The following MTMR3 variants were observed in gnomAD, a reference collection of about 807,000 sequenced individuals.
MTMR3 encodes the protein myotubularin related protein 3.
MTMR3 carries 32 observed loss-of-function variants against 132.4 expected under a neutral mutation model. The ratio of observed to expected loss-of-function variants is 0.24; its 90% CI spans 0.18 to 0.32. The LOEUF (loss-of-function observed/expected upper bound fraction) is 0.32, where lower values mean the gene tolerates loss of function less well. MTMR3 is among the 10% of genes least tolerant of loss of function. MTMR3 has a pLI of 1.00. For synonymous variants in MTMR3, 556 were observed against 550.3 expected, an observed-to-expected ratio of 1.01 and a Z score of -0.14; for missense variants, 1,216 against 1,489.6, an observed-to-expected ratio of 0.82 and a Z score of 3.02.
At chr22:29,927,304 T>A (rs2065536198) in intron 1 of MTMR3, among the ~76,000 whole-genome samples, 1 of 152,232 alleles carries the variant, frequency 6.6e-6, no homozygotes, top group African/African-American at 2.4e-5. Flanking sequence ...TTCAGCTTTG[T>A]CCTTTTTTCA....
intron 2 of MTMR3, among the ~76,000 whole-genome samples, chr22:29,958,531 G>A (rs752420774): frequency 9.9e-5 from 15 of 151,842 alleles, no homozygotes; most frequent in African/African-American, 1.5e-4. Context: ...GTGCTTTTTT[G>A]TCTTACTCTG....
intron 19 of MTMR3, chr22:30,024,167 G>A (rs901811076): frequency 1.3e-5 from 2 of 152,316 alleles, no homozygotes; most frequent in African/African-American, 4.8e-5. Context: ...GGTGGTGCAC[G>A]CCTGTAATCC....
In MTMR3 at chr22:30,022,531, C is replaced by G. The variant is rs539339230; in HGVS notation, c.3337-78C>G. On this transcript the variant is annotated intron_variant, in intron 18 of 19. Coordinates refer to ENST00000401950, the MANE Select transcript of MTMR3 (RefSeq NM_021090.4). The stretch of plus-strand genomic sequence containing the variant: ...GCTGATGTGGTCCTTGTGACTCTTG[C>G]TGCCCCCAGCATGGCTCTGCTGGCT... 4.6e-4 allele frequency: 585 copies of G among 1,274,562 alleles called. 2 individuals carry two copies. The highest frequency in any genetic ancestry group is 1.2e-4 in the Non-Finnish European group (105 of 881,602). 79.0% of individuals were successfully genotyped at this position (1,274,562 alleles called of 1,614,324 possible).
intron 1 of MTMR3, among the ~76,000 whole-genome samples, chr22:29,908,329 G>A (rs561468109): frequency 6.6e-5 from 10 of 152,340 alleles, no homozygotes; most frequent in African/African-American, 2.4e-4. Flanking sequence ...GTCAGACACT[G>A]TAGCTACTGC....
chr22:29,978,555 G>T, intron 4 of MTMR3, 24 bp downstream of exon 4: 1 of 1,571,990 alleles, frequency 6.4e-7, no homozygotes, highest in Middle Eastern at 1.7e-4. Context: ...ACTTTTAAAT[G>T]TAAAATATTT....
chr22:29,964,029 T>C (rs2066366699), intron 2 of MTMR3, among the ~76,000 whole-genome samples: 13 of 152,216 alleles, frequency 8.5e-5, no homozygotes, highest in Admixed American at 8.5e-4. Context: ...CTGTGTTTAA[T>C]TGAGCAACTG....
intron 14 of MTMR3, chr22:30,016,100 T>C (rs1333313266): frequency 3.2e-5 from 6 of 185,794 alleles, no homozygotes; most frequent in Non-Finnish European, 6.8e-5. Context: ...AATTTGCTGG[T>C]CATTGCTACA....
chr22:29,965,280 T>C (rs1482691110), intron 2 of MTMR3, among the ~76,000 whole-genome samples: 1 of 152,002 alleles, frequency 6.6e-6, no homozygotes, highest in Non-Finnish European at 1.5e-5. Context: ...AGAAAGAACA[T>C]CATTTTACAG....
chr22:29,937,117 A>G (rs1308349212), intron 1 of MTMR3, among the ~76,000 whole-genome samples: 1 of 152,002 alleles, frequency 6.6e-6, no homozygotes, highest in African/African-American at 2.4e-5. Context: ...TTTCTGTGTT[A>G]TCTTTCTAGT....
intron 1 of MTMR3, among the ~76,000 whole-genome samples, chr22:29,917,825 G>A (rs2065337610): frequency 1.3e-5 from 2 of 152,148 alleles, no homozygotes; most frequent in Non-Finnish European, 1.5e-5. Flanking sequence ...CTTGTCAAAA[G>A]TCATTTATAC....
At chr22:29,897,983 T>C (rs1172544222) in intron 1 of MTMR3, among the ~76,000 whole-genome samples, 1 of 152,116 alleles carries the variant, frequency 6.6e-6, no homozygotes, top group African/African-American at 2.4e-5. Flanking sequence ...GTATTATTAT[T>C]ATTATTTTTT....
In MTMR3 at chr22:30,019,874, C is replaced by T; in HGVS notation, c.2215C>T (p.Leu739Phe). Residue 739 changes from leucine to phenylalanine, a missense_variant, in exon 17 of 20, where the codon CTT becomes TTT. This residue lies in a region of MTMR3 where 852 missense variants were observed against 852.0 expected (regional missense o/e 1.00). Transcript: ENST00000401950. Reference sequence around the variant, plus strand: ...GACACCTGAGGCCTCAGCCATTGGACTTCACCAAGACCCAGAACTGGGTGA... The same window carrying T: ...GACACCTGAGGCCTCAGCCATTGGATTTCACCAAGACCCAGAACTGGGTGA... Reference protein sequence around the residue: ...RKTPEASAIGLHQDPELGDAA... With the variant: ...RKTPEASAIGFHQDPELGDAA... 6.2e-7 allele frequency: 1 copy of T among 1,614,178 alleles called. No homozygotes were observed. The highest frequency in any genetic ancestry group is 8.5e-7 in the Non-Finnish European group (1 of 1,180,018).
intron 7 of MTMR3, 115 bp downstream of exon 7, chr22:29,991,785 A>G: frequency 8.8e-7 from 1 of 1,130,338 alleles, no homozygotes; most frequent in Non-Finnish European, 1.2e-6. Context: ...TGTATATTTT[A>G]AGGAGCACCC....
intron 1 of MTMR3, among the ~76,000 whole-genome samples, chr22:29,901,081 A>C (rs2064995072): frequency 6.6e-6 from 1 of 152,130 alleles, no homozygotes. Flanking sequence ...AATCTGTTAG[A>C]GAGTTTTTGA....
intron 1 of MTMR3, among the ~76,000 whole-genome samples, chr22:29,908,221 A>G (rs2065140597): frequency 6.6e-6 from 1 of 152,334 alleles, no homozygotes; most frequent in South Asian, 2.1e-4. Flanking sequence ...ACAGCCTTAT[A>G]GTGACTGAGG....
chr22:29,972,982 C>T (rs370699349), intron 3 of MTMR3, among the ~76,000 whole-genome samples: 14 of 152,218 alleles, frequency 9.2e-5, no homozygotes, highest in South Asian at 4.1e-4. Flanking sequence ...ATTAAACATT[C>T]TCCCATGTTG....
intron 6 of MTMR3, 135 bp downstream of exon 6, chr22:29,988,697 G>A (rs891419909): frequency 1.3e-5 from 7 of 520,656 alleles, no homozygotes. Flanking sequence ...AGTAGTTTGT[G>A]CCTGAAATAT....
intron 19 of MTMR3, chr22:30,023,873 C>CT (rs34667478): frequency 0.024 from 4,291 of 177,302 alleles, 108 homozygotes; most frequent in African/African-American, 0.068. Context: ...TCTTTTTTCC[C>CT]TTTTTTTTTT....
At chr22:30,017,414 T>C in intron 15 of MTMR3, 1 of 157,388 alleles carries the variant, frequency 6.4e-6, no homozygotes, top group South Asian at 1.9e-4. Context: ...AGATTTAAGC[T>C]GACTGCTTGT....
Sources: gnomAD v4.1 joint callset for allele counts (sites outside exome capture counted in the v4.1 genomes callset) on GRCh38, gnomAD v4.1.1 for gene constraint, gnomAD v4.1.1 regional missense constraint, MANE v1.5 for transcripts, NCBI Gene and HGNC (gene_info 2026-07-23, HGNC 2026-07-21) for gene names.